The following DIAPH3 variants were observed in gnomAD, a reference collection of about 807,000 sequenced individuals.
The protein encoded by DIAPH3 is protein diaphanous homolog 3.
Under a neutral mutation model 144.3 loss-of-function variants are expected in DIAPH3, and 117 were observed. The observed-to-expected ratio is 0.81, with a 90% CI of 0.70 to 0.95. The LOEUF (loss-of-function observed/expected upper bound fraction) is 0.95, where lower values mean the gene tolerates loss of function less well. DIAPH3 is among the 40% of genes least tolerant of loss of function. The pLI is 0.00. For missense variants in DIAPH3, 1,421 were observed against 1,412.7 expected, an observed-to-expected ratio of 1.01 and a Z score of -0.09; for synonymous variants, 519 against 488.9, an observed-to-expected ratio of 1.06 and a Z score of -0.81.
At chr13:59,857,003 A>C (rs548369083) in intron 22 of DIAPH3, among the ~76,000 whole-genome samples, 10 of 152,028 alleles carry the variant, frequency 6.6e-5, no homozygotes, top group African/African-American at 2.4e-4. Context: ...CCAACCTACA[A>C]CCTCCACGAC....
chr13:60,118,765 T>A (rs1276874727), intron 2 of DIAPH3, among the ~76,000 whole-genome samples: 1 of 152,114 alleles, frequency 6.6e-6, no homozygotes, highest in Non-Finnish European at 1.5e-5. Flanking sequence ...TACTTAAACC[T>A]TCCATGATGG....
At chr13:59,841,409 C>G (rs1352528052) in intron 22 of DIAPH3, among the ~76,000 whole-genome samples, 1 of 151,578 alleles carries the variant, frequency 6.6e-6, no homozygotes, top group African/African-American at 2.4e-5. Context: ...TGGACAACAA[C>G]AAGACTCTGT....
At chr13:59,861,735 GC>G (rs2043604027) in intron 21 of DIAPH3, among the ~76,000 whole-genome samples, 199 bp from the exon 22 acceptor site, 1 of 151,846 alleles carries the variant, frequency 6.6e-6, no homozygotes, top group African/African-American at 2.4e-5. Flanking sequence ...ATTATTTGTC[GC>G]AAAAAAGGAA....
At chr13:60,162,708 C>G (rs1398897323) in intron 1 of DIAPH3, among the ~76,000 whole-genome samples, 1 of 151,362 alleles carries the variant, frequency 6.6e-6, no homozygotes, top group East Asian at 1.9e-4. Context: ...GTTCACAAAC[C>G]ATTATTCCCT....
intron 27 of DIAPH3, among the ~76,000 whole-genome samples, chr13:59,670,728 G>A (rs1047708113): frequency 5.3e-5 from 8 of 151,924 alleles, no homozygotes; most frequent in Non-Finnish European, 8.8e-5. Context: ...GACTACAGGC[G>A]CCCGCCACCA....
intron 22 of DIAPH3, among the ~76,000 whole-genome samples, chr13:59,841,853 CATT>C (rs996714173): frequency 6.6e-6 from 1 of 151,996 alleles, no homozygotes; most frequent in African/African-American, 2.4e-5. Context: ...ATGAAGTAGG[CATT>C]ATTATTATTC....
chr13:60,019,316 T>C (rs2053854194), intron 5 of DIAPH3, among the ~76,000 whole-genome samples: 1 of 152,206 alleles, frequency 6.6e-6, no homozygotes, highest in Non-Finnish European at 1.5e-5. Flanking sequence ...TCAGGCATTA[T>C]GTGGTTTAAC....
intron 24 of DIAPH3, among the ~76,000 whole-genome samples, chr13:59,831,041 C>T (rs985355636): frequency 2.6e-5 from 4 of 151,734 alleles, no homozygotes; most frequent in South Asian, 2.1e-4. Context: ...AATTCTAGTT[C>T]GACCATTTTA....
intron 17 of DIAPH3, among the ~76,000 whole-genome samples, chr13:59,931,515 G>T (rs886123480): frequency 3.3e-5 from 5 of 152,082 alleles, no homozygotes; most frequent in Admixed American, 2.6e-4. Context: ...TCATAAATTT[G>T]ATATTGTCCC....
At chr13:59,816,740 T>C (rs564444414) in intron 24 of DIAPH3, among the ~76,000 whole-genome samples, 2 of 151,824 alleles carry the variant, frequency 1.3e-5, no homozygotes, top group African/African-American at 4.8e-5. Flanking sequence ...CATGTACATA[T>C]TTTGGGGGTA....
At position 60,163,598 on chromosome 13, in the gene DIAPH3, G is replaced by C. The variant is rs1400996379; in HGVS notation, c.169C>G (p.Arg57Gly). 6 of 1,591,238 alleles carry C rather than the reference G, an allele frequency of 3.8e-6. No individual in the cohort carries two copies. Among genetic ancestry groups the C allele is most frequent in the Non-Finnish European group, 5.2e-6 (6 of 1,164,714 alleles). ...CAGGCGATACTCACAAACTTGGGGCGCTTCTCCCCAGGCTCCTCGGGGCCA... is the reference window on the plus strand; with the variant it reads ...CAGGCGATACTCACAAACTTGGGGCCCTTCTCCCCAGGCTCCTCGGGGCCA... ...PSGPEEPGEK[R>G]PKFHLNIRTL... Residue 57 changes from arginine (R) to glycine (G), a missense_variant, in exon 1 of 28, where the codon CGC becomes GGC. Coordinates refer to ENST00000400324, the MANE Select transcript of DIAPH3 (RefSeq NM_001042517.2).
chr13:59,783,489 C>G (rs1471753626), intron 25 of DIAPH3, among the ~76,000 whole-genome samples: 1 of 152,122 alleles, frequency 6.6e-6, no homozygotes, highest in Non-Finnish European at 1.5e-5. Context: ...AGGTTTAAAA[C>G]TTGGGAAAGA....
intron 27 of DIAPH3, among the ~76,000 whole-genome samples, chr13:59,673,716 G>A (rs1160036935): frequency 1.3e-5 from 2 of 152,186 alleles, no homozygotes; most frequent in Admixed American, 6.5e-5. Flanking sequence ...GCTCAATCAT[G>A]TGGCTGATGA....
intron 15 of DIAPH3, among the ~76,000 whole-genome samples, chr13:59,973,207 G>T (rs894618293): frequency 1.3e-5 from 2 of 152,124 alleles, no homozygotes; most frequent in East Asian, 3.9e-4. Context: ...TTCAAAAATG[G>T]TGGATACGTT....
chr13:59,684,142 TTCTTAAGAGAAC>T (rs1469462187), intron 27 of DIAPH3, among the ~76,000 whole-genome samples: 17 of 152,048 alleles, frequency 1.1e-4, no homozygotes, highest in Admixed American at 2.6e-4. Context: ...CTTCTGGGCC[TTCTTAAGAGAAC>T]TCTGAATATC....
chr13:59,943,391 G>A (rs1230626448), intron 17 of DIAPH3, among the ~76,000 whole-genome samples: 1 of 152,066 alleles, frequency 6.6e-6, no homozygotes, highest in African/African-American at 2.4e-5. Flanking sequence ...CCATTTCCTG[G>A]GGAAGGACGA....
At chr13:59,716,606 G>T (rs188524870) in intron 27 of DIAPH3, among the ~76,000 whole-genome samples, 3 of 152,282 alleles carry the variant, frequency 2.0e-5, no homozygotes, top group African/African-American at 7.2e-5. Context: ...AGCTCCTAGT[G>T]CTTGGAAACC....
At chr13:60,124,391 A>G (rs921566739) in intron 2 of DIAPH3, among the ~76,000 whole-genome samples, 1 of 152,174 alleles carries the variant, frequency 6.6e-6, no homozygotes, top group East Asian at 1.9e-4. Context: ...GTCCTTTGTA[A>G]TTAAAAGAAT....
At chr13:60,129,605 TTCAAA>T (rs2059085335) in intron 2 of DIAPH3, among the ~76,000 whole-genome samples, 1 of 152,202 alleles carries the variant, frequency 6.6e-6, no homozygotes. Context: ...AATACTGTTA[TTCAAA>T]TGTATGACTA....
Sources: gnomAD v4.1 joint callset for allele counts (sites outside exome capture counted in the v4.1 genomes callset) on GRCh38, gnomAD v4.1.1 for gene constraint, MANE v1.5 for transcripts, NCBI Gene and HGNC (gene_info 2026-07-23, HGNC 2026-07-21) for gene names.